The following COL27A1 variants were observed in gnomAD, a reference collection of about 807,000 sequenced individuals.
COL27A1 encodes the protein collagen type XXVII alpha 1 chain.
Under a neutral mutation model 251.3 loss-of-function variants are expected in COL27A1, and 106 were observed. The observed-to-expected ratio is 0.42, with a 90% CI of 0.36 to 0.50. The LOEUF is 0.50. Among genes scored for constraint, COL27A1 ranks in the 20% least tolerant of loss-of-function variants. The probability of loss-of-function intolerance (pLI) is 0.00; values close to 1 mark genes in which losing one functional copy is unlikely to be tolerated. For synonymous variants in COL27A1, 1,000 were observed against 986.3 expected (o/e 1.01, Z -0.26); for missense variants, 2,325 against 2,522.8 (o/e 0.92, Z 1.68).
chr9:114,290,280 C>T lies in COL27A1; in HGVS notation c.4317C>T (p.Gly1439=), dbSNP rs1263057444. The change falls in exon 47 of 61, where the codon GGC becomes GGT. Residue 1439 remains glycine (G), a synonymous_variant. Coordinates refer to ENST00000356083, the MANE Select transcript of COL27A1 (RefSeq NM_032888.4). The surrounding 1 kb of genome is among the most constrained non-coding windows in gnomAD (Gnocchi z 4.6). ...RGVVGRQGLE[G]IAGPDGLPGR... ...TGGTGGGGAGACAGGGCCTCGAGGG[C>T]ATCGCTGGACCAGATGGGCTTCCTG... 3.8e-6 allele frequency: 6 copies of T among 1,581,468 alleles called. No individual in the cohort carries two copies. In the East Asian group the frequency reaches 9.1e-5, roughly 24 times the overall value.
At chr9:114,196,672 TTC>T (rs1407934290) in intron 7 of COL27A1, among the ~76,000 whole-genome samples, 2 of 152,124 alleles carry the variant, frequency 1.3e-5, no homozygotes, top group African/African-American at 4.8e-5. Context: ...AGGCAGTGGG[TTC>T]TCTCTATCTT....
chr9:114,171,437 A>G (rs1849314637), intron 3 of COL27A1, among the ~76,000 whole-genome samples: 4 of 151,856 alleles, frequency 2.6e-5, no homozygotes, highest in Admixed American at 1.3e-4. Flanking sequence ...CCTGGCCTCA[A>G]AGGAAGGGCT....
chr9:114,169,067 A>C lies in COL27A1; in HGVS notation c.1512A>C (p.Pro504=). 6.2e-7 allele frequency: 1 copy of C among 1,614,032 alleles called. No individual in the cohort carries two copies. The highest frequency in any genetic ancestry group is 2.2e-5 in the East Asian group (1 of 44,880). ...TPGSTRSTRP[P]ATMVPPTSGT... is the part of the protein sequence containing the mutation. ...GTTCTACCAGGAGTACTCGGCCACCAGCCACGATGGTACCTCCAACTTCGG... is the reference window on the plus strand; with the variant it reads ...GTTCTACCAGGAGTACTCGGCCACCCGCCACGATGGTACCTCCAACTTCGG... The change falls in exon 3 of 61, where the codon CCA becomes CCC. Residue 504 remains proline (P), a synonymous_variant. Transcript: ENST00000356083.
At position 114,270,758 on chromosome 9, in the gene COL27A1, C is replaced by A; in HGVS notation, c.3586C>A (p.Pro1196Thr). The A allele has an allele frequency of 6.2e-7, 1 of 1,613,136 alleles. No individual in the cohort carries two copies. ...GCCAGGCCTTGAGGGTGACAGTGGC[C>A]CCATGGGACCTGATGGGCTGAAGGT... Reference protein sequence around the residue: ...GEPGLEGDSGPMGPDGLKGDR... With the variant: ...GEPGLEGDSGTMGPDGLKGDR... Residue 1196 changes from proline (P) to threonine (T), a missense_variant, in exon 36 of 61, where the codon CCC (proline) becomes ACC (threonine). Coordinates refer to ENST00000356083, the MANE Select transcript of COL27A1 (RefSeq NM_032888.4).
intron 23 of COL27A1, among the ~76,000 whole-genome samples, chr9:114,245,163 T>G (rs972510992): frequency 5.8e-5 from 8 of 138,774 alleles, no homozygotes; most frequent in East Asian, 4.0e-4. Context: ...TTTTTTTTTT[T>G]TTTTTTTTTT....
intron 14 of COL27A1, among the ~76,000 whole-genome samples, chr9:114,230,268 G>A (rs1831847096): frequency 6.6e-6 from 1 of 152,148 alleles, no homozygotes; most frequent in South Asian, 2.1e-4. Flanking sequence ...CCCCTGGGGA[G>A]AGAGACAGAG....
chr9:114,243,552 G>A lies in COL27A1; in HGVS notation c.2926G>A (p.Gly976Ser). Residue 976 changes from glycine to serine, a missense_variant, in exon 23 of 61, where the codon GGC (glycine) becomes AGC (serine). This residue lies in a region of COL27A1 where 662 missense variants were observed against 795.3 expected (regional missense o/e 0.83). Coordinates refer to ENST00000356083, the MANE Select transcript of COL27A1 (RefSeq NM_032888.4). Reference sequence around the variant, plus strand: ...GTTTCCTGGGAGGCCCGGCCTGGATGGCGTGAAGGTGAGGGGACCTGGAGA... The same window carrying A: ...GTTTCCTGGGAGGCCCGGCCTGGATAGCGTGAAGGTGAGGGGACCTGGAGA... The part of the protein sequence containing the change: ...KGFPGRPGLD[G>S]VKGEPGDPGR... 6.2e-7 allele frequency: 1 copy of A among 1,613,558 alleles called. No individual in the cohort carries two copies. The highest frequency in any genetic ancestry group is 8.5e-7 in the Non-Finnish European group (1 of 1,179,646).
intron 59 of COL27A1, 68 bp from the exon 60 acceptor site, chr9:114,309,192 C>T: frequency 7.7e-7 from 1 of 1,301,350 alleles, no homozygotes; most frequent in Non-Finnish European, 1.1e-6. Context: ...CATAGAGAGG[C>T]AGGGAACCCT....
chr9:114,240,952 A>T (rs1832715808), intron 21 of COL27A1, among the ~76,000 whole-genome samples: 1 of 152,200 alleles, frequency 6.6e-6, no homozygotes, highest in African/African-American at 2.4e-5. Context: ...AAAGCCCATG[A>T]CATACGTCCT....
chr9:114,155,102 CTT>C (rs1340080143), upstream of COL27A1, among the ~76,000 whole-genome samples: 1 of 142,458 alleles, frequency 7.0e-6, no homozygotes, highest in Non-Finnish European at 1.6e-5. The surrounding 1 kb of genome is among the most constrained non-coding windows in gnomAD (Gnocchi z 5.5). Context: ...GGAGCGCAAA[CTT>C]TTGGTGGGCG....
At chr9:114,187,583 A>G (rs1828460968) in intron 5 of COL27A1, among the ~76,000 whole-genome samples, 1 of 152,252 alleles carries the variant, frequency 6.6e-6, no homozygotes, top group Non-Finnish European at 1.5e-5. Flanking sequence ...CAAGGTGTCA[A>G]TCTAGCCCTC....
intron 14 of COL27A1, among the ~76,000 whole-genome samples, chr9:114,226,940 G>A (rs753541101): frequency 2.0e-5 from 3 of 152,212 alleles, no homozygotes; most frequent in Non-Finnish European, 4.4e-5. Flanking sequence ...GGGCTCTGAG[G>A]CCTGACAGCA....
intron 14 of COL27A1, among the ~76,000 whole-genome samples, chr9:114,223,842 AAGTGCCT>A (rs1831283507): frequency 6.6e-6 from 1 of 152,218 alleles, no homozygotes; most frequent in Non-Finnish European, 1.5e-5. Context: ...TTAATATGTG[AAGTGCCT>A]AGTATGTAGT....
intron 3 of COL27A1, among the ~76,000 whole-genome samples, chr9:114,173,206 C>T (rs183829465): frequency 3.0e-4 from 44 of 149,022 alleles, no homozygotes; most frequent in Non-Finnish European, 4.1e-4. Flanking sequence ...AGAAGCCCCA[C>T]GCCTGAGAGG....
chr9:114,160,155 A>G (rs1213871468), intron 1 of COL27A1, among the ~76,000 whole-genome samples: 1 of 142,350 alleles, frequency 7.0e-6, no homozygotes, highest in Admixed American at 7.0e-5. Flanking sequence ...TTTAAAGTCT[A>G]TTTTTTTTTT....
intron 17 of COL27A1, among the ~76,000 whole-genome samples, chr9:114,236,130 AC>A (rs1157059716): frequency 1.3e-5 from 2 of 151,142 alleles, no homozygotes; most frequent in African/African-American, 2.4e-5. Flanking sequence ...CCCGCCCGGG[AC>A]CCCCTCCACC....
At chr9:114,267,363 T>C (rs1588828032) in intron 33 of COL27A1, 141 bp from the exon 34 acceptor site, 1 of 638,404 alleles carries the variant, frequency 1.6e-6, no homozygotes, top group East Asian at 3.3e-5. Flanking sequence ...TCCAAGAAGC[T>C]ACAAGCTGCT....
chr9:114,240,013 C>A (rs746159321), intron 19 of COL27A1, among the ~76,000 whole-genome samples: 20 of 152,212 alleles, frequency 1.3e-4, no homozygotes, highest in Non-Finnish European at 8.8e-5. Flanking sequence ...GGTGTATTGT[C>A]TCAGCAACTC....
chr9:114,211,135 T>A, intron 12 of COL27A1, 109 bp downstream of exon 12: 1 of 1,162,372 alleles, frequency 8.6e-7, no homozygotes, highest in Non-Finnish European at 1.3e-6. Flanking sequence ...CTCCCCCTGC[T>A]TTGAGTGTGG....
Sources: gnomAD v4.1 joint callset for allele counts (sites outside exome capture counted in the v4.1 genomes callset) on GRCh38, gnomAD v4.1.1 for gene constraint, gnomAD v4.1.1 regional missense constraint, Gnocchi (gnomAD v3.1) non-coding constraint, MANE v1.5 for transcripts, NCBI Gene and HGNC (gene_info 2026-07-23, HGNC 2026-07-21) for gene names.